The following PCDH15 variants were observed in gnomAD, a reference collection of about 807,000 sequenced individuals.
The protein encoded by PCDH15 is protocadherin-15.
Under a neutral mutation model 178.5 loss-of-function variants are expected in PCDH15, and 129 were observed. The ratio of observed to expected loss-of-function variants is 0.72; its 90% CI spans 0.63 to 0.84. The LOEUF (loss-of-function observed/expected upper bound fraction) is 0.84. Among genes scored for constraint, PCDH15 ranks in the 40% least tolerant of loss-of-function variants. The pLI, the probability that PCDH15 is intolerant of heterozygous loss-of-function variation, is 0.00. For missense variants in PCDH15, 2,230 were observed against 2,099.9 expected, an observed-to-expected ratio of 1.06 and a Z score of -1.21; for synonymous variants, 800 against 732.0, an observed-to-expected ratio of 1.09 and a Z score of -1.50.
chr10:54,823,420 G>A (rs16913832), intron 3 of PCDH15, among the ~76,000 whole-genome samples: 1,913 of 152,092 alleles, frequency 0.013, 39 homozygotes, highest in African/African-American at 0.042. Context: ...GTTATGTAAT[G>A]GTAAAAGCTT....
chr10:54,955,470 TC>T (rs1418355177), intron 2 of PCDH15, among the ~76,000 whole-genome samples: 2 of 151,332 alleles, frequency 1.3e-5, no homozygotes, highest in Non-Finnish European at 3.0e-5. Context: ...TTCACATTCT[TC>T]CAGTAAAAAA....
chr10:54,061,678 C>T (rs2135748126), intron 18 of PCDH15, among the ~76,000 whole-genome samples: 1 of 152,188 alleles, frequency 6.6e-6, no homozygotes, highest in African/African-American at 2.4e-5. Context: ...CCATTTGACA[C>T]TTGACACAGA....
chr10:54,801,918 C>T (rs989852484), upstream of PCDH15, among the ~76,000 whole-genome samples: 1 of 152,098 alleles, frequency 6.6e-6, no homozygotes, highest in African/African-American at 2.4e-5. Flanking sequence ...TAGTAAAATA[C>T]AATTATGTCA....
chr10:53,884,805 G>A (rs992076124), intron 26 of PCDH15, among the ~76,000 whole-genome samples: 11 of 152,068 alleles, frequency 7.2e-5, no homozygotes, highest in Non-Finnish European at 1.6e-4. Flanking sequence ...ATAATTCAAT[G>A]ATTTAATTGC....
At chr10:53,894,221 A>C (rs2081790782) in intron 26 of PCDH15, among the ~76,000 whole-genome samples, 1 of 152,212 alleles carries the variant, frequency 6.6e-6, no homozygotes, top group Non-Finnish European at 1.5e-5. Flanking sequence ...TAATTGGTTT[A>C]AGTGCTAAAC....
rs1289985729 is a variant in PCDH15 at position 54,622,677 on chromosome 10, A to T, written c.91+41495T>A. On this transcript the variant is annotated intron_variant, in intron 2 of 37. Transcript: ENST00000644397. Reference sequence around the variant, plus strand: ...TACTATATAATATATATTATATATAATATATATTATATAATATATATTTTC... The same window carrying T: ...TACTATATAATATATATTATATATATTATATATTATATAATATATATTTTC... Among the ~76,000 whole-genome samples, 156 of 21,574 alleles carry T rather than the reference A, an allele frequency of 7.2e-3. 3 individuals are homozygous for T. Among genetic ancestry groups the T allele is most frequent in the African/African-American group, 0.029 (152 of 5,314 alleles). The allele number at this position is 21,574 out of a possible 152,430, so 14.2% of individuals were successfully genotyped here.
intron 18 of PCDH15, among the ~76,000 whole-genome samples, chr10:54,045,628 G>A (rs7917557): frequency 0.56 from 84,922 of 151,830 alleles, 23,892 homozygotes; most frequent in Middle Eastern, 0.69. Flanking sequence ...TATGTATTGC[G>A]AGTCAGTGGG....
chr10:54,369,347 G>C, intron 4 of PCDH15, 72 bp from the exon 5 acceptor site: 4 of 1,308,526 alleles, frequency 3.1e-6, no homozygotes, highest in Non-Finnish European at 4.3e-6. Context: ...CAAAGCACTC[G>C]TTCATTCAGT....
At chr10:54,171,191 A>T (rs2046869970) in intron 13 of PCDH15, among the ~76,000 whole-genome samples, 2 of 152,050 alleles carry the variant, frequency 1.3e-5, no homozygotes, top group African/African-American at 4.8e-5. Flanking sequence ...AAATCAGCCA[A>T]GCAGTTTTTC....
intron 2 of PCDH15, among the ~76,000 whole-genome samples, chr10:54,919,066 G>A (rs755518433): frequency 6.6e-5 from 10 of 152,036 alleles, no homozygotes; most frequent in Non-Finnish European, 1.0e-4. Flanking sequence ...TCTCACCATC[G>A]TAAAGTAAAA....
At chr10:54,897,185 A>C (rs1000857397) in intron 3 of PCDH15, among the ~76,000 whole-genome samples, 1 of 152,234 alleles carries the variant, frequency 6.6e-6, no homozygotes, top group African/African-American at 2.4e-5. Flanking sequence ...TAAATTAAGC[A>C]AAACAAACAT....
At chr10:54,287,776 G>T (rs886726807) in intron 8 of PCDH15, among the ~76,000 whole-genome samples, 1 of 152,030 alleles carries the variant, frequency 6.6e-6, no homozygotes. Context: ...AATTATATCT[G>T]AATCTAAATG....
intron 13 of PCDH15, among the ~76,000 whole-genome samples, chr10:54,177,052 A>G (rs937209776): frequency 3.9e-5 from 6 of 152,220 alleles, no homozygotes; most frequent in Non-Finnish European, 5.9e-5. Flanking sequence ...AAGAATGAAT[A>G]AATAAACTGT....
intron 2 of PCDH15, among the ~76,000 whole-genome samples, chr10:55,080,788 C>A (rs190585155): frequency 6.6e-6 from 1 of 152,080 alleles, no homozygotes. Flanking sequence ...AGGAAGGGAC[C>A]CTGCTCACTT....
chr10:55,266,697 T>C (rs564120776), intron 1 of PCDH15, among the ~76,000 whole-genome samples: 21 of 152,114 alleles, frequency 1.4e-4, no homozygotes, highest in Non-Finnish European at 2.5e-4. Flanking sequence ...AGGAACACAC[T>C]GGCAGAAAAG....
intron 2 of PCDH15, among the ~76,000 whole-genome samples, chr10:55,503,240 G>C (rs562782609): frequency 6.6e-6 from 1 of 150,728 alleles, no homozygotes; most frequent in African/African-American, 2.4e-5. Context: ...AATTAACAAA[G>C]ATAAACAACG....
At chr10:54,318,319 C>A (rs1211722168) in intron 7 of PCDH15, among the ~76,000 whole-genome samples, 1 of 152,148 alleles carries the variant, frequency 6.6e-6, no homozygotes, top group South Asian at 2.1e-4. Context: ...GTAAACACAT[C>A]TGGTCTGTGA....
intron 1 of PCDH15, among the ~76,000 whole-genome samples, chr10:54,682,362 A>G (rs1327151250): frequency 6.6e-6 from 1 of 152,172 alleles, no homozygotes; most frequent in African/African-American, 2.4e-5. Flanking sequence ...ATTCACCACC[A>G]CTTTAGCCTG....
intron 15 of PCDH15, among the ~76,000 whole-genome samples, chr10:54,094,731 TCTTTC>T (rs1319814957): frequency 1.3e-5 from 2 of 152,192 alleles, no homozygotes; most frequent in Non-Finnish European, 2.9e-5. Context: ...TTAAAGCCAA[TCTTTC>T]CTTTAATTTT....
Sources: gnomAD v4.1 joint callset for allele counts (sites outside exome capture counted in the v4.1 genomes callset) on GRCh38, gnomAD v4.1.1 for gene constraint, MANE v1.5 for transcripts, NCBI Gene and HGNC (gene_info 2026-07-23, HGNC 2026-07-21) for gene names.